ATP9A: variants seen among roughly 807,000 people sequenced by gnomAD.
ATP9A encodes ATPase phospholipid transporting 9A, also known as probable phospholipid-transporting ATPase IIA.
ATP9A carries 52 observed loss-of-function variants against 144.1 expected under a neutral mutation model. The ratio of observed to expected loss-of-function variants is 0.36; its 90% CI spans 0.29 to 0.45. The LOEUF (loss-of-function observed/expected upper bound fraction) is 0.45. ATP9A is among the 20% of genes least tolerant of loss of function. The probability of loss-of-function intolerance (pLI) is 1.00; values close to 1 mark genes in which losing one functional copy is unlikely to be tolerated. For missense variants in ATP9A, 947 were observed against 1,392.7 expected (o/e 0.68, Z 5.09); for synonymous variants, 582 against 557.4 (o/e 1.04, Z -0.62).
intron 23 of ATP9A, among the ~76,000 whole-genome samples, chr20:51,610,903 A>T (rs1033530021): frequency 1.3e-5 from 2 of 152,224 alleles, no homozygotes; most frequent in Non-Finnish European, 2.9e-5. Context: ...GAAGATATTT[A>T]CAAACCCTCG....
At chr20:51,710,729 G>A (rs888173024) in intron 4 of ATP9A, among the ~76,000 whole-genome samples, 1 of 152,204 alleles carries the variant, frequency 6.6e-6, no homozygotes, top group African/African-American at 2.4e-5. Flanking sequence ...AGGAAGACAA[G>A]TTTTTAATGC....
intron 4 of ATP9A, among the ~76,000 whole-genome samples, chr20:51,699,515 A>C (rs1197825140): frequency 2.0e-5 from 3 of 152,170 alleles, no homozygotes; most frequent in African/African-American, 7.2e-5. Flanking sequence ...TCCTATTGAA[A>C]CAACTCTCTT....
At chr20:51,613,434 G>A (rs964269678) in intron 23 of ATP9A, among the ~76,000 whole-genome samples, 3 of 152,226 alleles carry the variant, frequency 2.0e-5, no homozygotes, top group African/African-American at 7.2e-5. Flanking sequence ...CCGCTTAACA[G>A]GGGAGGAATC....
Position 51,644,295 on chromosome 20 carries a change from C to T in ATP9A, c.1507-4791G>A, listed in dbSNP as rs1250888099. 4.5e-5 allele frequency among the ~76,000 whole-genome samples: 4 copies of T among 89,740 alleles called. No homozygotes were observed. In the Admixed American group the frequency reaches 5.1e-4, roughly 11 times the overall value. The allele number at this position is 89,740 out of a possible 152,430, so 58.9% of individuals were successfully genotyped here. ...TTTTTTTTTTTTTTTTTTTTTGAGA[C>T]GGAGTCTCACTCTTTTGCCCAGGTT... On this transcript the variant is annotated intron_variant, in intron 14 of 27. Transcript: ENST00000338821.
chr20:51,723,042 T>TA (rs1659831175), intron 3 of ATP9A, among the ~76,000 whole-genome samples: 1 of 152,162 alleles, frequency 6.6e-6, no homozygotes, highest in African/African-American at 2.4e-5. Context: ...AACTGTGGTA[T>TA]ATATATTCAA....
Position 51,645,544 on chromosome 20 carries a change from A to C in ATP9A, c.1507-6040T>G, listed in dbSNP as rs73616812. On this transcript the variant is annotated intron_variant, in intron 14 of 27. Transcript: ENST00000338821. ...AAACAAACAAAAACAAACAAACAAA[A>C]AAAAAACAAGAACGTTCTCAGTCTC... Among the ~76,000 whole-genome samples the C allele has an allele frequency of 3.9e-3, 594 of 152,122 alleles. 5 individuals carry two copies. The highest frequency in any genetic ancestry group is 0.011 in the African/African-American group (477 of 41,538).
chr20:51,626,927 G>A (rs1407018958), intron 17 of ATP9A, among the ~76,000 whole-genome samples: 1 of 151,792 alleles, frequency 6.6e-6, no homozygotes, highest in East Asian at 1.9e-4. Flanking sequence ...CATGGTGACG[G>A]GCAACTGTAA....
chr20:51,645,181 A>G (rs968158344), intron 14 of ATP9A, among the ~76,000 whole-genome samples: 6 of 152,194 alleles, frequency 3.9e-5, no homozygotes, highest in African/African-American at 1.2e-4. Flanking sequence ...TACGACAGCT[A>G]TATCTGTAGC....
chr20:51,607,834 A>G (rs1355009994), intron 25 of ATP9A, among the ~76,000 whole-genome samples: 2 of 152,118 alleles, frequency 1.3e-5, no homozygotes, highest in East Asian at 3.9e-4. Flanking sequence ...ACTTGAGGTC[A>G]GGAGTTTGAG....
At chr20:51,761,586 C>T (rs984263327) in intron 1 of ATP9A, among the ~76,000 whole-genome samples, 3 of 151,966 alleles carry the variant, frequency 2.0e-5, no homozygotes, top group African/African-American at 7.3e-5. Flanking sequence ...ACGGTGAAAC[C>T]CCGTCTCTAA....
rs549974820 is a variant in ATP9A, at chr20:51,714,893, T to G, written c.328-1819A>C. Among the ~76,000 whole-genome samples the G allele has an allele frequency of 2.1e-3, 318 of 152,368 alleles. 1 individual carries two copies. Among genetic ancestry groups the G allele is most frequent in the Admixed American group, 5.7e-3 (87 of 15,302 alleles). On this transcript the variant is annotated intron_variant, in intron 3 of 27. Coordinates refer to ENST00000338821, the MANE Select transcript of ATP9A (RefSeq NM_006045.3). ...CCTCTGAGTTGGGAACCCCAACTCA[T>G]AATATCTGGTTGGGTGGAGGGAGTC... is the stretch of plus-strand genomic sequence containing the variant.
rs141656071 is a variant in ATP9A, at chr20:51,754,902, G to A, written c.68+13400C>T. 3.7e-3 allele frequency among the ~76,000 whole-genome samples: 557 copies of A among 151,424 alleles called. 4 individuals carry two copies. The highest frequency in any genetic ancestry group is 0.012 in the African/African-American group (485 of 41,260). On this transcript the variant is annotated intron_variant, in intron 1 of 27. Transcript: ENST00000338821. ...GCCGAGGTGGATCACTTGAGATCAG[G>A]AGTTTGAGACCAGCCTGTCCAACAT...
At chr20:51,742,447 C>T (rs1450294710) in intron 1 of ATP9A, among the ~76,000 whole-genome samples, 1 of 152,128 alleles carries the variant, frequency 6.6e-6, no homozygotes, top group African/African-American at 2.4e-5. Context: ...TACTCCACTC[C>T]AGCTGGCTGC....
chr20:51,663,161 A>C (rs372199137), intron 13 of ATP9A, among the ~76,000 whole-genome samples: 1 of 152,220 alleles, frequency 6.6e-6, no homozygotes, highest in Non-Finnish European at 1.5e-5. Flanking sequence ...TTATATTTTT[A>C]AAACTTTACA....
At chr20:51,621,976 G>T in intron 19 of ATP9A, 98 bp downstream of exon 19, 2 of 1,045,150 alleles carry the variant, frequency 1.9e-6, no homozygotes, top group Non-Finnish European at 2.9e-6. Flanking sequence ...TAATTCACAT[G>T]CTGCCCCTCC....
At chr20:51,639,707 C>A (rs1186269861) in intron 14 of ATP9A, among the ~76,000 whole-genome samples, 1 of 152,166 alleles carries the variant, frequency 6.6e-6, no homozygotes, top group Non-Finnish European at 1.5e-5. Flanking sequence ...CTGAAAGCTG[C>A]CCCTCTATAA....
chr20:51,605,484 G>A (rs753470111), intron 26 of ATP9A, among the ~76,000 whole-genome samples: 1 of 152,158 alleles, frequency 6.6e-6, no homozygotes, highest in Non-Finnish European at 1.5e-5. Context: ...CAGGCATGGT[G>A]GCATGCACCT....
intron 9 of ATP9A, among the ~76,000 whole-genome samples, chr20:51,683,807 C>A (rs113481543): frequency 3.9e-5 from 6 of 152,090 alleles, no homozygotes; most frequent in African/African-American, 1.4e-4. Context: ...TGGAGTCTGA[C>A]CTGAGGTAAT....
Position 51,639,528 on chromosome 20 carries a change from G to A in ATP9A, c.1507-24C>T, listed in dbSNP as rs188477021. On this transcript the variant is annotated intron_variant, in intron 14 of 27. Coordinates refer to ENST00000338821, the MANE Select transcript of ATP9A (RefSeq NM_006045.3). ...ACCTAAACATAACACAGGGTCGAAG[G>A]TCAGATGCCCAGCCGAGAATCTGGG... 3.5e-5 allele frequency: 56 copies of A among 1,586,208 alleles called. 1 individual carries two copies. The Middle Eastern group carries it at 1.4e-3, about 40-fold the overall frequency.
Sources: allele counts gnomAD v4.1 joint callset (sites outside exome capture counted in the v4.1 genomes callset), GRCh38; gene constraint gnomAD v4.1.1; transcripts MANE v1.5; gene names NCBI Gene and HGNC (gene_info 2026-07-23, HGNC 2026-07-21).